Variants in TSHZ2 observed in about 807,000 individuals in gnomAD.
TSHZ2 encodes the protein teashirt zinc finger homeobox 2.
In TSHZ2, 21 loss-of-function variants were observed where a neutral mutation model predicts 74.4. The ratio of observed to expected loss-of-function variants is 0.28; its 90% CI spans 0.20 to 0.41. The LOEUF (loss-of-function observed/expected upper bound fraction) is 0.41. TSHZ2 is among the 10% of genes least tolerant of loss of function. The pLI is 1.00. For missense variants in TSHZ2, 1,244 were observed against 1,293.5 expected (o/e 0.96, Z 0.59); for synonymous variants, 540 against 515.3 (o/e 1.05, Z -0.65).
intron 1 of TSHZ2, among the ~76,000 whole-genome samples, chr20:53,020,271 G>C (rs997813983): frequency 1.3e-5 from 2 of 152,106 alleles, no homozygotes; most frequent in African/African-American, 4.8e-5. Flanking sequence ...TTCTATTACT[G>C]TTGGTCCATT....
At chr20:53,077,758 G>A (rs982869889) in intron 1 of TSHZ2, among the ~76,000 whole-genome samples, 10 of 152,158 alleles carry the variant, frequency 6.6e-5, no homozygotes, top group Non-Finnish European at 1.0e-4. Flanking sequence ...ATTCGTTATC[G>A]CTGAAAAGGA....
chr20:53,120,334 C>T (rs1487654807), intron 1 of TSHZ2, among the ~76,000 whole-genome samples: 1 of 152,054 alleles, frequency 6.6e-6, no homozygotes, highest in African/African-American at 2.4e-5. Context: ...GATAATCGTT[C>T]AAAACATAAT....
At chr20:53,436,556 T>A (rs1483199291) in intron 2 of TSHZ2, among the ~76,000 whole-genome samples, 1 of 140,058 alleles carries the variant, frequency 7.1e-6, no homozygotes, top group South Asian at 2.4e-4. Context: ...TTATTTTTTT[T>A]TTTTTTTTAG....
At chr20:53,434,471 A>G (rs1411750327) in intron 2 of TSHZ2, among the ~76,000 whole-genome samples, 2 of 152,238 alleles carry the variant, frequency 1.3e-5, no homozygotes, top group Non-Finnish European at 2.9e-5. Flanking sequence ...AAGACAAAAT[A>G]ATACTAAGTA....
At chr20:53,007,325 G>A (rs1454449974) in intron 1 of TSHZ2, among the ~76,000 whole-genome samples, 3 of 152,176 alleles carry the variant, frequency 2.0e-5, no homozygotes, top group Admixed American at 6.5e-5. Flanking sequence ...GAGAAAGATG[G>A]TAAGGAAGGA....
intron 1 of TSHZ2, among the ~76,000 whole-genome samples, chr20:53,223,216 C>A (rs764875588): frequency 6.6e-6 from 1 of 151,984 alleles, no homozygotes; most frequent in East Asian, 1.9e-4. Flanking sequence ...CCACCTATGG[C>A]AGGATTTCCC....
chr20:53,169,511 C>T (rs1347935672), intron 1 of TSHZ2, among the ~76,000 whole-genome samples: 2 of 152,164 alleles, frequency 1.3e-5, no homozygotes, highest in Admixed American at 1.3e-4. Flanking sequence ...TATTATCTAC[C>T]TAAAACCCTT....
chr20:53,230,046 AG>A (rs1479804306), intron 1 of TSHZ2, among the ~76,000 whole-genome samples: 1 of 50,744 alleles, frequency 2.0e-5, no homozygotes, highest in African/African-American at 8.2e-5. Context: ...GAAAGAAGGA[AG>A]GGAGGGAGGG....
intron 1 of TSHZ2, among the ~76,000 whole-genome samples, chr20:53,043,278 A>G (rs556579357): frequency 6.6e-6 from 1 of 152,316 alleles, no homozygotes; most frequent in African/African-American, 2.4e-5. Flanking sequence ...CCTTATTTAT[A>G]CTGTTCTCAA....
chr20:53,148,381 A>G (rs1987594577), intron 1 of TSHZ2, among the ~76,000 whole-genome samples: 2 of 152,318 alleles, frequency 1.3e-5, no homozygotes, highest in South Asian at 4.1e-4. Flanking sequence ...CCCACAGTGC[A>G]CAGGACACCG....
intron 1 of TSHZ2, among the ~76,000 whole-genome samples, chr20:53,234,333 T>G (rs1989891568): frequency 1.3e-5 from 2 of 152,194 alleles, no homozygotes; most frequent in Admixed American, 1.3e-4. Context: ...TTTCATTGAG[T>G]CATTCAACAA....
intron 1 of TSHZ2, among the ~76,000 whole-genome samples, chr20:53,221,008 A>C (rs192850376): frequency 6.6e-6 from 1 of 152,264 alleles, no homozygotes; most frequent in East Asian, 1.9e-4. Context: ...AATTTCCCAT[A>C]ATTCCCACGT....
At chr20:53,368,247 TA>T (rs1167836846) in intron 2 of TSHZ2, among the ~76,000 whole-genome samples, 4 of 151,942 alleles carry the variant, frequency 2.6e-5, no homozygotes, top group East Asian at 1.9e-4. Context: ...CGATCACTGC[TA>T]AACCAAACCA....
At chr20:53,442,191 T>C (rs1373424469) in intron 2 of TSHZ2, among the ~76,000 whole-genome samples, 3 of 152,138 alleles carry the variant, frequency 2.0e-5, no homozygotes, top group African/African-American at 7.2e-5. Context: ...TGTGTGTACG[T>C]GTGTGTAAAG....
At chr20:53,044,658 C>T (rs1236562224) in intron 1 of TSHZ2, among the ~76,000 whole-genome samples, 1 of 152,158 alleles carries the variant, frequency 6.6e-6, no homozygotes, top group African/African-American at 2.4e-5. Flanking sequence ...GCCCCAGTTC[C>T]CCAACCTTTA....
At chr20:53,172,875 A>G (rs994470796) in intron 1 of TSHZ2, among the ~76,000 whole-genome samples, 1 of 152,192 alleles carries the variant, frequency 6.6e-6, no homozygotes, top group African/African-American at 2.4e-5. Flanking sequence ...AGTGGACTCC[A>G]CACAGCAGGT....
intron 1 of TSHZ2, among the ~76,000 whole-genome samples, chr20:53,142,910 C>A (rs1468997925): frequency 2.0e-5 from 3 of 152,020 alleles, no homozygotes; most frequent in Non-Finnish European, 4.4e-5. Flanking sequence ...CCAAAAATAG[C>A]GTGTTTTTTG....
At position 53,052,890 on chromosome 20, in the gene TSHZ2, A is replaced by G. The variant is rs73913059; in HGVS notation, c.40+79557A>G. ...AGACAGCTCTATTGTGATACAATTC[A>G]TATACCATAAAATTCACTTCTTAAA... On this transcript the variant is annotated intron_variant, in intron 1 of 2. Transcript: ENST00000371497. Among the ~76,000 whole-genome samples, 1,047 of 152,354 alleles carry G rather than the reference A, an allele frequency of 6.9e-3. 17 individuals carry two copies. The highest frequency in any genetic ancestry group is 0.024 in the African/African-American group (1,008 of 41,584).
chr20:53,158,878 C>T (rs1451174577), intron 1 of TSHZ2, among the ~76,000 whole-genome samples: 1 of 152,252 alleles, frequency 6.6e-6, no homozygotes, highest in Non-Finnish European at 1.5e-5. Flanking sequence ...CCACTTTGCA[C>T]ACAAAAGCCA....
Sources: gnomAD v4.1 joint callset for allele counts (sites outside exome capture counted in the v4.1 genomes callset) on GRCh38, gnomAD v4.1.1 for gene constraint, MANE v1.5 for transcripts, NCBI Gene and HGNC (gene_info 2026-07-23, HGNC 2026-07-21) for gene names.